Variants in RALGAPA1 observed in about 807,000 individuals in gnomAD.
RALGAPA1 encodes the protein ral GTPase-activating protein subunit alpha-1.
Under a neutral mutation model 269.6 loss-of-function variants are expected in RALGAPA1, and 52 were observed. That is an observed-to-expected ratio of 0.19 (90% CI 0.15 to 0.24). The LOEUF (loss-of-function observed/expected upper bound fraction) is 0.24, where lower values mean the gene tolerates loss of function less well. Among genes scored for constraint, RALGAPA1 ranks in the 10% least tolerant of loss-of-function variants. The probability of loss-of-function intolerance (pLI) is 1.00; values close to 1 mark genes in which losing one functional copy is unlikely to be tolerated. For missense variants in RALGAPA1, 1,917 were observed against 3,013.9 expected (o/e 0.64, Z 8.52); for synonymous variants, 817 against 1,008.3 (o/e 0.81, Z 3.60).
At chr14:35,625,289 T>C in intron 35 of RALGAPA1, 72 bp downstream of exon 35, 1 of 984,044 alleles carries the variant, frequency 1.0e-6, no homozygotes, top group South Asian at 1.5e-5. Context: ...TTTAAAATAT[T>C]ATTCACAGTA....
intron 37 of RALGAPA1, among the ~76,000 whole-genome samples, chr14:35,587,772 A>T (rs889065901): frequency 6.6e-5 from 10 of 152,190 alleles, no homozygotes; most frequent in African/African-American, 2.2e-4. Flanking sequence ...AATGTAAATG[A>T]TGAGTTGATG....
chr14:35,751,052 G>A (rs144816067), intron 8 of RALGAPA1, among the ~76,000 whole-genome samples: 2 of 152,270 alleles, frequency 1.3e-5, no homozygotes, highest in East Asian at 3.9e-4. Flanking sequence ...GGTTTTACCT[G>A]AGCCTGTTAG....
chr14:35,603,826 T>C (rs2059426828), intron 36 of RALGAPA1, among the ~76,000 whole-genome samples: 2 of 152,076 alleles, frequency 1.3e-5, no homozygotes, highest in African/African-American at 4.8e-5. Flanking sequence ...AGAATGACAG[T>C]TACCAGAGGC....
intron 25 of RALGAPA1, among the ~76,000 whole-genome samples, chr14:35,672,501 A>G (rs1165794647): frequency 1.4e-5 from 2 of 146,980 alleles, no homozygotes; most frequent in African/African-American, 4.9e-5. Context: ...TAACTAGATA[A>G]ACGAATCCAT....
At chr14:35,568,997 T>C (rs1243709929) in intron 39 of RALGAPA1, among the ~76,000 whole-genome samples, 1 of 152,134 alleles carries the variant, frequency 6.6e-6, no homozygotes, top group African/African-American at 2.4e-5. Context: ...CAAATATGAG[T>C]TTTCAGTTTA....
At chr14:35,756,976 T>C in intron 6 of RALGAPA1, 68 bp from the exon 7 acceptor site, 1 of 1,336,152 alleles carries the variant, frequency 7.5e-7, no homozygotes, top group Non-Finnish European at 9.8e-7. Flanking sequence ...TATAACCAAA[T>C]AAACTTTAAC....
At chr14:35,705,644 G>A (rs187716942) in intron 16 of RALGAPA1, among the ~76,000 whole-genome samples, 2 of 152,204 alleles carry the variant, frequency 1.3e-5, no homozygotes, top group Admixed American at 6.5e-5. Context: ...AGATGTTTGC[G>A]TGGACATGTT....
intron 41 of RALGAPA1, among the ~76,000 whole-genome samples, chr14:35,545,057 T>C (rs1264343430): frequency 6.6e-6 from 1 of 152,104 alleles, no homozygotes; most frequent in African/African-American, 2.4e-5. Context: ...AACCAAACCA[T>C]TAAATAAACA....
At chr14:35,738,435 G>C in intron 12 of RALGAPA1, 78 bp downstream of exon 12, 1 of 1,070,640 alleles carries the variant, frequency 9.3e-7, no homozygotes, top group Non-Finnish European at 1.3e-6. Context: ...ATTGTGAAAA[G>C]TATACTGTAT....
chr14:35,591,423 C>G (rs1001060540), intron 37 of RALGAPA1, among the ~76,000 whole-genome samples: 1 of 152,122 alleles, frequency 6.6e-6, no homozygotes, highest in African/African-American at 2.4e-5. Flanking sequence ...TCAAGCAATC[C>G]TCCCACAGTA....
At chr14:35,752,714 G>A (rs866631094) in intron 7 of RALGAPA1, among the ~76,000 whole-genome samples, 1 of 152,110 alleles carries the variant, frequency 6.6e-6, no homozygotes, top group African/African-American at 2.4e-5. Context: ...AGAAGGTGAC[G>A]AAGACATCCA....
At chr14:35,623,300 G>A (rs533238864) in intron 35 of RALGAPA1, among the ~76,000 whole-genome samples, 9 of 151,926 alleles carry the variant, frequency 5.9e-5, no homozygotes, top group Non-Finnish European at 1.0e-4. Context: ...CGAATAGCAC[G>A]AAAGTTAATC....
At chr14:35,727,310 CATATATATATATATATATATAT>C (rs34288628) in intron 13 of RALGAPA1, among the ~76,000 whole-genome samples, 27 of 104,476 alleles carry the variant, frequency 2.6e-4, no homozygotes, top group Middle Eastern at 5.1e-3. Context: ...AAAATTATGG[CATATATATATATATATATATAT>C]ATATATATAT....
At chr14:35,762,412 C>T (rs745866411) in intron 5 of RALGAPA1, among the ~76,000 whole-genome samples, 30 of 152,076 alleles carry the variant, frequency 2.0e-4, no homozygotes, top group Non-Finnish European at 8.8e-5. Flanking sequence ...CGTGCCACCA[C>T]GCCCGGCTAA....
At position 35,539,539 on chromosome 14, in the gene RALGAPA1, T is replaced by G. The variant is rs1457564505; in HGVS notation, c.*175A>C. The G allele has an allele frequency of 6.2e-7, 1 of 1,611,842 alleles. No individual in the cohort carries two copies. The highest frequency in any genetic ancestry group is 2.2e-5 in the East Asian group (1 of 44,884). On this transcript the variant is annotated 3_prime_UTR_variant, in exon 42 of 42. Coordinates refer to ENST00000680220, the MANE Select transcript of RALGAPA1 (RefSeq NM_001346249.2). Reference sequence around the variant, plus strand: ...GCTGATCACTGCTGGGCTGCTTGTCTCCTTAGGATTTATTGGCTGAGCCAG... The same window carrying G: ...GCTGATCACTGCTGGGCTGCTTGTCGCCTTAGGATTTATTGGCTGAGCCAG...
intron 1 of RALGAPA1, among the ~76,000 whole-genome samples, chr14:35,793,468 A>C (rs924474500): frequency 2.3e-4 from 35 of 152,140 alleles, no homozygotes; most frequent in African/African-American, 7.9e-4. Context: ...TCCTGACCTC[A>C]GCTGATCCAC....
At chr14:35,709,942 A>T (rs1327401047) in intron 16 of RALGAPA1, among the ~76,000 whole-genome samples, 2 of 152,230 alleles carry the variant, frequency 1.3e-5, no homozygotes, top group Non-Finnish European at 2.9e-5. Context: ...GGCATGTTTT[A>T]TGACCCAGAA....
chr14:35,573,276 A>G (rs1193766971), intron 37 of RALGAPA1, among the ~76,000 whole-genome samples: 1 of 152,178 alleles, frequency 6.6e-6, no homozygotes, highest in Middle Eastern at 3.2e-3. Context: ...AACTGTAAAA[A>G]CACAAAACAT....
At chr14:35,634,039 T>C (rs931629727) in intron 33 of RALGAPA1, among the ~76,000 whole-genome samples, 15 of 152,262 alleles carry the variant, frequency 9.9e-5, no homozygotes, top group African/African-American at 3.6e-4. Flanking sequence ...TATTTAGCAA[T>C]TGAGAGTCAA....
Sources: gnomAD v4.1 joint callset for allele counts (sites outside exome capture counted in the v4.1 genomes callset) on GRCh38, gnomAD v4.1.1 for gene constraint, MANE v1.5 for transcripts, NCBI Gene and HGNC (gene_info 2026-07-23, HGNC 2026-07-21) for gene names.